PTPRT: variants seen among roughly 807,000 people sequenced by gnomAD.
PTPRT encodes the protein protein tyrosine phosphatase receptor type T.
Under a neutral mutation model 176.8 loss-of-function variants are expected in PTPRT, and 56 were observed. The ratio of observed to expected loss-of-function variants is 0.32; its 90% CI spans 0.26 to 0.40. The LOEUF (loss-of-function observed/expected upper bound fraction) is 0.40, where lower values mean the gene tolerates loss of function less well. Among genes scored for constraint, PTPRT ranks in the 10% least tolerant of loss-of-function variants. The pLI is 1.00. For synonymous variants in PTPRT, 783 were observed against 739.0 expected, an observed-to-expected ratio of 1.06 and a Z score of -0.96; for missense variants, 1,540 against 1,908.2, an observed-to-expected ratio of 0.81 and a Z score of 3.60.
chr20:42,584,324 A>C (rs563099836), intron 7 of PTPRT, among the ~76,000 whole-genome samples: 2 of 152,224 alleles, frequency 1.3e-5, no homozygotes, highest in East Asian at 3.9e-4. Flanking sequence ...TGGCCTTCCC[A>C]TGGCTGAACC....
chr20:42,651,157 A>T (rs114253617), intron 7 of PTPRT, among the ~76,000 whole-genome samples: 7,880 of 152,240 alleles, frequency 0.052, 733 homozygotes, highest in African/African-American at 0.18. Context: ...TGAATTTGGT[A>T]TATATTATTG....
chr20:42,908,164 G>A (rs970345026), intron 1 of PTPRT, among the ~76,000 whole-genome samples: 1 of 151,996 alleles, frequency 6.6e-6, no homozygotes, highest in African/African-American at 2.4e-5. Flanking sequence ...GAGAACGGGG[G>A]ATAAGCATCT....
At position 42,564,569 on chromosome 20, in the gene PTPRT, G is replaced by A. The variant is rs144876503; in HGVS notation, c.1154-92007C>T. 3.6e-3 allele frequency among the ~76,000 whole-genome samples: 551 copies of A among 152,250 alleles called. 3 individuals are homozygous for A. The highest frequency in any genetic ancestry group is 0.013 in the African/African-American group (531 of 41,526). On this transcript the variant is annotated intron_variant, in intron 7 of 30. Coordinates refer to ENST00000373187, the MANE Select transcript of PTPRT (RefSeq NM_007050.6). ...AGGGAGGGTAACATCACACACTGGG[G>A]CCTGTCAGGAGGTTGTTGGGGGGAC...
At chr20:42,364,695 G>A (rs2145577534) in intron 9 of PTPRT, among the ~76,000 whole-genome samples, 1 of 152,260 alleles carries the variant, frequency 6.6e-6, no homozygotes, top group Non-Finnish European at 1.5e-5. Context: ...GATGAAATGG[G>A]TCATCTGGGG....
chr20:43,152,258 T>C (rs1258856985), intron 1 of PTPRT, among the ~76,000 whole-genome samples: 1 of 152,256 alleles, frequency 6.6e-6, no homozygotes, highest in Non-Finnish European at 1.5e-5. Flanking sequence ...AGTGGTTAAC[T>C]GTGTAGTAGG....
intron 7 of PTPRT, among the ~76,000 whole-genome samples, chr20:42,605,746 G>A (rs562420104): frequency 5.3e-5 from 8 of 152,150 alleles, no homozygotes; most frequent in Non-Finnish European, 1.2e-4. Flanking sequence ...ACCAGGAAAC[G>A]GGCTCTCTCC....
rs1295311966 is a variant in PTPRT, at chr20:43,153,963, A to T, written c.88+35683T>A. Among the ~76,000 whole-genome samples, 3 of 152,296 alleles carry T rather than the reference A, an allele frequency of 2.0e-5. No individual in the cohort carries two copies. In the East Asian group the frequency reaches 5.8e-4, roughly 29 times the overall value. ...AGAGATGGCTCCATCCCTCTCCCCA[A>T]AAAAAGAACTGCTGCAAGTTCCTTG... On this transcript the variant is annotated intron_variant, in intron 1 of 30. Coordinates refer to ENST00000373187, the MANE Select transcript of PTPRT (RefSeq NM_007050.6).
chr20:42,490,262 C>T lies in PTPRT; in HGVS notation c.1154-17700G>A, dbSNP rs146086763. Among the ~76,000 whole-genome samples the T allele has an allele frequency of 1.5e-3, 221 of 152,118 alleles. 2 individuals carry two copies. The highest frequency in any genetic ancestry group is 5.1e-3 in the African/African-American group (212 of 41,508). Reference sequence around the variant, plus strand: ...TTTATTAGAGAAAGTTTATCAAGTTCGTTAAAAACTTAACAGAAATTTTTA... The same window carrying T: ...TTTATTAGAGAAAGTTTATCAAGTTTGTTAAAAACTTAACAGAAATTTTTA... On this transcript the variant is annotated intron_variant, in intron 7 of 30. Transcript: ENST00000373187.
rs73907236 is a variant in PTPRT at position 42,691,269 on chromosome 20, G to A, written c.860-13110C>T. 4.8e-3 allele frequency among the ~76,000 whole-genome samples: 728 copies of A among 152,358 alleles called. 9 individuals carry two copies. Among genetic ancestry groups the A allele is most frequent in the African/African-American group, 0.016 (683 of 41,580 alleles). ...AGAGAGAAAGGGGGTGGTAGGGAGTGAGGGAAGAAACATGCAATTCAGGGC... is the reference window on the plus strand; with the variant it reads ...AGAGAGAAAGGGGGTGGTAGGGAGTAAGGGAAGAAACATGCAATTCAGGGC... On this transcript the variant is annotated intron_variant, in intron 6 of 30. Coordinates refer to ENST00000373187, the MANE Select transcript of PTPRT (RefSeq NM_007050.6).
intron 9 of PTPRT, among the ~76,000 whole-genome samples, chr20:42,438,956 C>T (rs1238500856): frequency 1.3e-5 from 2 of 152,226 alleles, no homozygotes; most frequent in Non-Finnish European, 2.9e-5. Context: ...CGACCAGGTA[C>T]ATAAATGCAA....
chr20:42,861,052 T>A (rs1327073451), intron 2 of PTPRT, among the ~76,000 whole-genome samples: 2 of 152,222 alleles, frequency 1.3e-5, no homozygotes, highest in African/African-American at 2.4e-5. Flanking sequence ...CTGTAGTCTG[T>A]ATCTCCCAGG....
In PTPRT at chr20:42,278,073, CTATA is replaced by C. The variant is rs777694770; in HGVS notation, c.2176+4412_2176+4415del. 1.6e-3 allele frequency among the ~76,000 whole-genome samples: 62 copies of C among 39,182 alleles called. 1 individual carries two copies. The highest frequency in any genetic ancestry group is 2.7e-3 in the African/African-American group (33 of 12,296). The allele number at this position is 39,182 out of a possible 152,430, so 25.7% of individuals were successfully genotyped here. A position where few individuals can be genotyped will look rare whatever the true frequency, so the allele number is the denominator to read the frequency against. On this transcript the variant is annotated intron_variant, in intron 13 of 30. Coordinates refer to ENST00000373187, the MANE Select transcript of PTPRT (RefSeq NM_007050.6). ...GATAGACATTAAACATGTAAGTAGACTATATATATATATATATATATATATATAT... is the reference window on the plus strand; with the variant it reads ...GATAGACATTAAACATGTAAGTAGACTATATATATATATATATATATATAT...
intron 1 of PTPRT, among the ~76,000 whole-genome samples, chr20:43,042,982 C>T (rs1384340884): frequency 2.0e-5 from 3 of 152,228 alleles, no homozygotes; most frequent in Non-Finnish European, 2.9e-5. Context: ...TCCTATTGCC[C>T]GGTGTACTGG....
At chr20:43,094,365 C>CA (rs2012025906) in intron 1 of PTPRT, among the ~76,000 whole-genome samples, 1 of 146,814 alleles carries the variant, frequency 6.8e-6, no homozygotes, top group South Asian at 2.1e-4. Context: ...GGATTACAGG[C>CA]ATGAGCCACC....
chr20:43,064,828 G>A (rs1332329918), intron 1 of PTPRT, among the ~76,000 whole-genome samples: 1 of 152,174 alleles, frequency 6.6e-6, no homozygotes, highest in Non-Finnish European at 1.5e-5. Flanking sequence ...AAAGGTTAAT[G>A]GAAAGTGTCA....
At chr20:42,197,497 A>T (rs997182205) in intron 16 of PTPRT, among the ~76,000 whole-genome samples, 1 of 151,528 alleles carries the variant, frequency 6.6e-6, no homozygotes, top group Non-Finnish European at 1.5e-5. Flanking sequence ...GAGCGCTCTG[A>T]TTGGATCCTG....
intron 7 of PTPRT, among the ~76,000 whole-genome samples, chr20:42,646,483 A>G (rs984773393): frequency 6.6e-6 from 1 of 152,300 alleles, no homozygotes; most frequent in African/African-American, 2.4e-5. Flanking sequence ...TTGATGGAAG[A>G]AACTTGTCCA....
chr20:42,319,207 C>A (rs1568770472), intron 11 of PTPRT, among the ~76,000 whole-genome samples: 1 of 151,648 alleles, frequency 6.6e-6, no homozygotes, highest in African/African-American at 2.4e-5. Context: ...TCATGAGGGT[C>A]AAACTGCAGC....
intron 19 of PTPRT, among the ~76,000 whole-genome samples, chr20:42,121,799 T>A (rs894817551): frequency 1.3e-5 from 2 of 151,518 alleles, no homozygotes; most frequent in Admixed American, 1.3e-4. Flanking sequence ...TATACATATA[T>A]ATGTGTACCA....
Sources: allele counts gnomAD v4.1 joint callset (sites outside exome capture counted in the v4.1 genomes callset), GRCh38; gene constraint gnomAD v4.1.1; transcripts MANE v1.5; gene names NCBI Gene and HGNC (gene_info 2026-07-23, HGNC 2026-07-21).